Variants in RBM4 observed in about 807,000 individuals in gnomAD.
RBM4 encodes the protein RNA binding motif protein 4.
In RBM4, 7 loss-of-function variants were observed where a neutral mutation model predicts 29.5. That is an observed-to-expected ratio of 0.24 (90% CI 0.14 to 0.45). The LOEUF (loss-of-function observed/expected upper bound fraction) is 0.45, where lower values mean the gene tolerates loss of function less well. Ranked by LOEUF, RBM4 falls within the 20% of genes least tolerant of loss-of-function variation. The pLI is 1.00. For synonymous variants in RBM4, 220 were observed against 205.4 expected (o/e 1.07, Z -0.61); for missense variants, 387 against 502.3 (o/e 0.77, Z 2.19).
intron 1 of RBM4, chr11:66,639,016 C>G (rs924411215): frequency 6.6e-6 from 1 of 152,210 alleles, no homozygotes; most frequent in African/African-American, 2.4e-5. Flanking sequence ...GGATAACCCC[C>G]TTTCCCTTAT....
chr11:66,653,742 T>G (rs980144910), intron 2 of RBM4, among the ~76,000 whole-genome samples: 2 of 152,164 alleles, frequency 1.3e-5, no homozygotes, highest in African/African-American at 4.8e-5. Context: ...CTGTAAGGCT[T>G]CCAGTCAACA....
rs1194812552 is a variant in RBM4 at position 66,643,684 on chromosome 11, G to A, written c.647G>A (p.Gly216Glu). Residue 216 changes from glycine (G) to glutamate (E), a missense_variant, in exon 3 of 4, where the codon GGA becomes GAA. Gly to Glu is a moderately conservative substitution (Grantham distance 98). Coordinates refer to ENST00000310092, the MANE Select transcript of RBM4 (RefSeq NM_002896.4). This position sits in a 1 kb window ranked among gnomAD's most constrained non-coding sequence, Gnocchi z 6.1. The part of the protein sequence containing the change: ...GDSLYYNNAY[G>E]ALDAYYKRCR... Reference sequence around the variant, plus strand: ...TCATTGTATTACAACAACGCGTACGGAGCGCTCGATGCCTACTACAAGCGC... The same window carrying A: ...TCATTGTATTACAACAACGCGTACGAAGCGCTCGATGCCTACTACAAGCGC... The A allele has an allele frequency of 3.7e-6, 6 of 1,614,038 alleles. No homozygotes were observed. Among genetic ancestry groups the A allele is most frequent in the Non-Finnish European group, 5.1e-6 (6 of 1,180,032 alleles).
chr11:66,654,866 C>T (rs1251629565), intron 2 of RBM4, among the ~76,000 whole-genome samples: 3 of 151,856 alleles, frequency 2.0e-5, no homozygotes, highest in Non-Finnish European at 4.4e-5. Context: ...CCTACGTCGC[C>T]CAGGCTGGAG....
intron 2 of RBM4, among the ~76,000 whole-genome samples, chr11:66,657,108 C>CTTTTTT (rs748071140): frequency 3.2e-5 from 3 of 93,394 alleles, no homozygotes; most frequent in African/African-American, 4.6e-5. Flanking sequence ...ATTTTTTAGT[C>CTTTTTT]TTTTTTTTTT....
At chr11:66,649,757 G>C (rs1229690680), downstream of RBM4, 3 of 701,760 alleles carry the variant, frequency 4.3e-6, no homozygotes, top group East Asian at 8.0e-5. Context: ...TGTCACCCAA[G>C]CTGCAGTGTG....
downstream of RBM4, among the ~76,000 whole-genome samples, chr11:66,647,247 T>C (rs907464444): frequency 6.6e-6 from 1 of 152,258 alleles, no homozygotes; most frequent in African/African-American, 2.4e-5. Context: ...ACTGAGCACC[T>C]ACTGTATGCC....
chr11:66,663,520 A>C (rs982196091), intron 2 of RBM4, among the ~76,000 whole-genome samples: 4 of 152,040 alleles, frequency 2.6e-5, no homozygotes, highest in Admixed American at 2.0e-4. Flanking sequence ...GCCCGCCACC[A>C]CATCCAGCTA....
intron 2 of RBM4, among the ~76,000 whole-genome samples, chr11:66,663,027 T>G (rs1274121740): frequency 1.3e-5 from 2 of 152,218 alleles, no homozygotes; most frequent in Non-Finnish European, 1.5e-5. Context: ...CCTGTCAAGA[T>G]TAAGTATAAA....
chr11:66,663,667 A>G (rs1454601261), intron 2 of RBM4, among the ~76,000 whole-genome samples: 1 of 151,724 alleles, frequency 6.6e-6, no homozygotes, highest in Non-Finnish European at 1.5e-5. Flanking sequence ...GAAACACTGG[A>G]GAGGGGTGGT....
At chr11:66,659,801 C>A (rs567946738) in intron 2 of RBM4, among the ~76,000 whole-genome samples, 2 of 152,128 alleles carry the variant, frequency 1.3e-5, no homozygotes, top group East Asian at 1.9e-4. Context: ...ATAGTCTAGA[C>A]CATGCTATCC....
At chr11:66,663,575 T>C (rs1939125986) in intron 2 of RBM4, among the ~76,000 whole-genome samples, 1 of 152,114 alleles carries the variant, frequency 6.6e-6, no homozygotes. Flanking sequence ...GTGATTCGTG[T>C]GCCTTGGCCT....
chr11:66,664,011 T>A (rs537503987), intron 2 of RBM4, among the ~76,000 whole-genome samples: 3 of 151,770 alleles, frequency 2.0e-5, no homozygotes, highest in African/African-American at 7.3e-5. Context: ...CTAACCTAAA[T>A]CCTTTTTTGT....
intron 2 of RBM4, chr11:66,641,246 A>C (rs560020676): frequency 8.5e-5 from 13 of 152,348 alleles, no homozygotes; most frequent in African/African-American, 2.9e-4. Context: ...CTGACAGTGT[A>C]GTTTGCCGAT....
In RBM4 at chr11:66,643,390, G is replaced by A. The variant is rs1938551158; in HGVS notation, c.413-60G>A. 1 of 1,543,984 alleles carries A rather than the reference G, an allele frequency of 6.5e-7. No homozygotes were observed. Among genetic ancestry groups the A allele is most frequent in the Admixed American group, 1.9e-5 (1 of 52,476 alleles). On this transcript the variant is annotated intron_variant, in intron 2 of 3. Coordinates refer to ENST00000310092, the MANE Select transcript of RBM4 (RefSeq NM_002896.4). The surrounding 1 kb of genome is among the most constrained non-coding windows in gnomAD (Gnocchi z 6.1). ...GCCATTGCTATGACCAGTGTCTGGGGTAGGGGCTGGGGCTATGACTAAGAG... is the reference window on the plus strand; with the variant it reads ...GCCATTGCTATGACCAGTGTCTGGGATAGGGGCTGGGGCTATGACTAAGAG...
chr11:66,639,524 G>A (rs893124870), intron 1 of RBM4, 176 bp from the exon 2 acceptor site: 15 of 764,312 alleles, frequency 2.0e-5, no homozygotes, highest in Non-Finnish European at 3.1e-5. Flanking sequence ...GGTTCATGGC[G>A]GCTACTATAG....
intron 2 of RBM4, among the ~76,000 whole-genome samples, chr11:66,653,047 T>C (rs79106199): frequency 0.11 from 17,142 of 152,202 alleles, 1,248 homozygotes; most frequent in Non-Finnish European, 0.16. Flanking sequence ...CATTGAGGGT[T>C]GTGTGTGCCT....
chr11:66,642,463 T>C (rs1474964570), intron 2 of RBM4, among the ~76,000 whole-genome samples: 1 of 152,228 alleles, frequency 6.6e-6, no homozygotes, highest in Non-Finnish European at 1.5e-5. Context: ...TCTAGAAAAG[T>C]TTCTGCTTTT....
chr11:66,648,078 C>T (rs1032195998), downstream of RBM4, among the ~76,000 whole-genome samples: 2 of 152,008 alleles, frequency 1.3e-5, no homozygotes, highest in Non-Finnish European at 2.9e-5. Flanking sequence ...TGGTGGCACG[C>T]ACCTGTAATC....
intron 3 of RBM4, chr11:66,644,777 C>A (rs761392974): frequency 1.2e-6 from 1 of 855,432 alleles, no homozygotes; most frequent in Non-Finnish European, 1.4e-6. Context: ...CAAAACTTAT[C>A]TTTTATAAAG....
Sources: gnomAD v4.1 joint callset for allele counts (sites outside exome capture counted in the v4.1 genomes callset) on GRCh38, gnomAD v4.1.1 for gene constraint, Gnocchi (gnomAD v3.1) non-coding constraint, MANE v1.5 for transcripts, NCBI Gene and HGNC (gene_info 2026-07-23, HGNC 2026-07-21) for gene names.